Variants in IQCM observed in about 807,000 individuals in gnomAD.
IQCM encodes the protein IQ motif containing M.
Under a neutral mutation model 57.6 loss-of-function variants are expected in IQCM, and 45 were observed. That is an observed-to-expected ratio of 0.78 (90% CI 0.62 to 1.00). IQCM has a LOEUF of 1.00. Among genes scored for constraint, IQCM ranks in the 50% least tolerant of loss-of-function variants. The pLI is 0.00. For synonymous variants in IQCM, 148 were observed against 158.9 expected (o/e 0.93, Z 0.51); for missense variants, 468 against 511.6 (o/e 0.91, Z 0.82).
intron 12 of IQCM, among the ~76,000 whole-genome samples, chr4:149,534,828 A>C (rs1477489266): frequency 6.6e-6 from 1 of 152,130 alleles, no homozygotes; most frequent in African/African-American, 2.4e-5. Flanking sequence ...TTATGGACCA[A>C]TCATGGCTCT....
chr4:149,450,655 C>G (rs1399513680), intron 12 of IQCM, among the ~76,000 whole-genome samples: 5 of 151,782 alleles, frequency 3.3e-5, no homozygotes, highest in Middle Eastern at 3.4e-3. Flanking sequence ...AAAACTACAA[C>G]AAGATATAAT....
At chr4:149,707,489 C>G (rs1375192281) in intron 5 of IQCM, among the ~76,000 whole-genome samples, 1 of 151,980 alleles carries the variant, frequency 6.6e-6, no homozygotes, top group African/African-American at 2.4e-5. Context: ...ACACTCTTTG[C>G]TCTCTATCCA....
chr4:149,496,132 G>A (rs1742632763), intron 12 of IQCM, among the ~76,000 whole-genome samples: 1 of 152,112 alleles, frequency 6.6e-6, no homozygotes, highest in South Asian at 2.1e-4. Context: ...TCAGACTTGA[G>A]AGGGTGGAGG....
intron 13 of IQCM, among the ~76,000 whole-genome samples, chr4:149,398,697 T>C (rs1732403954): frequency 6.6e-6 from 1 of 151,872 alleles, no homozygotes; most frequent in African/African-American, 2.4e-5. Flanking sequence ...AGTGTGTAGA[T>C]GTACTATACT....
At chr4:149,438,318 A>T (rs1392604388) in intron 12 of IQCM, among the ~76,000 whole-genome samples, 2 of 152,126 alleles carry the variant, frequency 1.3e-5, no homozygotes, top group Non-Finnish European at 2.9e-5. Context: ...ACAATGAATT[A>T]GCAATTTAAT....
At chr4:149,356,757 A>G (rs970380423) in intron 13 of IQCM, among the ~76,000 whole-genome samples, 2 of 152,156 alleles carry the variant, frequency 1.3e-5, no homozygotes, top group African/African-American at 4.8e-5. Context: ...TGAACTTTAA[A>G]GTAGTTTTTT....
chr4:149,479,390 C>T (rs1740539749), intron 12 of IQCM, among the ~76,000 whole-genome samples: 1 of 152,120 alleles, frequency 6.6e-6, no homozygotes, highest in African/African-American at 2.4e-5. Flanking sequence ...TAAAATAATA[C>T]CAATGATAAT....
chr4:149,497,684 A>G (rs963967223), intron 12 of IQCM, among the ~76,000 whole-genome samples: 1 of 151,380 alleles, frequency 6.6e-6, no homozygotes, highest in Admixed American at 6.6e-5. Flanking sequence ...GCCAAACCAT[A>G]TCGGTCACTT....
chr4:149,356,946 G>T (rs1197500351), intron 13 of IQCM, among the ~76,000 whole-genome samples: 1 of 152,032 alleles, frequency 6.6e-6, no homozygotes, highest in Admixed American at 6.5e-5. Context: ...AGTTCTCCTT[G>T]AAGAGGTCCT....
intron 7 of IQCM, among the ~76,000 whole-genome samples, chr4:149,679,407 T>C (rs1000401273): frequency 6.6e-6 from 1 of 151,500 alleles, no homozygotes; most frequent in East Asian, 1.9e-4. Flanking sequence ...AAATAAGATG[T>C]AAATATATGG....
At chr4:149,638,548 G>A (rs1757913098) in intron 7 of IQCM, among the ~76,000 whole-genome samples, 1 of 151,614 alleles carries the variant, frequency 6.6e-6, no homozygotes, top group Non-Finnish European at 1.5e-5. Context: ...GTCAAACAAT[G>A]GACTACTACT....
At chr4:149,516,953 G>A (rs1745031695) in intron 12 of IQCM, among the ~76,000 whole-genome samples, 2 of 151,876 alleles carry the variant, frequency 1.3e-5, no homozygotes, top group Non-Finnish European at 2.9e-5. Context: ...CCATAACAAA[G>A]GTAAGTAAGA....
At chr4:149,357,281 T>C (rs1180843310) in intron 13 of IQCM, among the ~76,000 whole-genome samples, 1 of 152,186 alleles carries the variant, frequency 6.6e-6, no homozygotes, top group Non-Finnish European at 1.5e-5. Context: ...TCCAACACTA[T>C]GTTGAATATG....
chr4:149,624,602 G>A (rs1444992955), intron 7 of IQCM, among the ~76,000 whole-genome samples: 2 of 152,110 alleles, frequency 1.3e-5, no homozygotes, highest in Non-Finnish European at 1.5e-5. Context: ...GGAAAGAAAA[G>A]GGAAGGAAAG....
chr4:149,591,034 T>C (rs967291789), intron 8 of IQCM, among the ~76,000 whole-genome samples: 1 of 152,084 alleles, frequency 6.6e-6, no homozygotes, highest in African/African-American at 2.4e-5. Context: ...AAGTCATTTA[T>C]TAAACTCCCC....
intron 7 of IQCM, among the ~76,000 whole-genome samples, chr4:149,681,420 G>C (rs1762167999): frequency 6.6e-6 from 1 of 151,116 alleles, no homozygotes; most frequent in Non-Finnish European, 1.5e-5. Flanking sequence ...AATATTGATT[G>C]GAATCATGAA....
intron 9 of IQCM, among the ~76,000 whole-genome samples, chr4:149,569,162 A>G (rs752435448): frequency 6.6e-6 from 1 of 152,228 alleles, no homozygotes; most frequent in Non-Finnish European, 1.5e-5. Flanking sequence ...CCAGATCATC[A>G]TCATTGTTGC....
At chr4:149,736,394 A>T (rs79241838) in intron 3 of IQCM, among the ~76,000 whole-genome samples, 17,200 of 152,198 alleles carry the variant, frequency 0.11, 1,197 homozygotes, top group South Asian at 0.18. Context: ...CAGCAGCACA[A>T]ATACTAAAAA....
At chr4:149,611,408 C>A (rs546249422) in intron 8 of IQCM, among the ~76,000 whole-genome samples, 2 of 152,070 alleles carry the variant, frequency 1.3e-5, no homozygotes, top group East Asian at 3.9e-4. Context: ...CCACTATTCA[C>A]AAATCCAAGA....
Sources: allele counts gnomAD v4.1 joint callset (sites outside exome capture counted in the v4.1 genomes callset), GRCh38; gene constraint gnomAD v4.1.1; transcripts MANE v1.5; gene names NCBI Gene and HGNC (gene_info 2026-07-23, HGNC 2026-07-21).